Variants in TNFRSF11B observed in about 807,000 individuals in gnomAD.
The protein encoded by TNFRSF11B is tumor necrosis factor receptor superfamily member 11B.
Under a neutral mutation model 43.4 loss-of-function variants are expected in TNFRSF11B, and 16 were observed. The ratio of observed to expected loss-of-function variants is 0.37; its 90% CI spans 0.25 to 0.56. The LOEUF is 0.56. TNFRSF11B is among the 20% of genes least tolerant of loss of function. The probability of loss-of-function intolerance (pLI) is 0.80; values close to 1 mark genes in which losing one functional copy is unlikely to be tolerated. For missense variants in TNFRSF11B, 444 were observed against 490.1 expected (o/e 0.91, Z 0.89); for synonymous variants, 185 against 181.8 (o/e 1.02, Z -0.14).
rs11573865 is a variant in TNFRSF11B, at chr8:118,941,652, T to C, written c.31-8352A>G. Among the ~76,000 whole-genome samples the C allele has an allele frequency of 6.6e-5, 10 of 152,310 alleles. No individual in the cohort carries two copies. The East Asian group carries it at 1.3e-3, about 21-fold the overall frequency. On this transcript the variant is annotated intron_variant, in intron 1 of 4. Transcript: ENST00000297350. ...ATAAATGTTAGGTTGAATTTGCTTA[T>C]GATGTTTTTTGCTTCTTCAGGGGAA...
chr8:118,949,878 C>T (rs1812616388), intron 1 of TNFRSF11B, among the ~76,000 whole-genome samples: 1 of 152,142 alleles, frequency 6.6e-6, no homozygotes, highest in South Asian at 2.1e-4. Context: ...GGCATCTGGA[C>T]TCTATGTGTA....
At chr8:118,924,868 T>C in intron 4 of TNFRSF11B, 106 bp from the exon 5 acceptor site, 2 of 1,372,796 alleles carry the variant, frequency 1.5e-6, no homozygotes, top group East Asian at 4.7e-5. Flanking sequence ...TTCATAATTA[T>C]ATTTCAATGA....
intron 1 of TNFRSF11B, among the ~76,000 whole-genome samples, chr8:118,950,112 T>C (rs1369937849): frequency 1.3e-5 from 2 of 152,206 alleles, no homozygotes; most frequent in Non-Finnish European, 2.9e-5. Context: ...TTTAAATTTA[T>C]GGATACTTCT....
rs112977670 is a variant in TNFRSF11B at position 118,924,091 on chromosome 8, GT to G, written c.*282del. ...ATTTAGTAAGGCACAATGGAGTCTAGTTTTTTTTTTTTAATTTCCAGTTGAA... is the reference window on the plus strand; with the variant it reads ...ATTTAGTAAGGCACAATGGAGTCTAGTTTTTTTTTTTAATTTCCAGTTGAA... On this transcript the variant is annotated 3_prime_UTR_variant, in exon 5 of 5. Coordinates refer to ENST00000297350, the MANE Select transcript of TNFRSF11B (RefSeq NM_002546.4). The G allele has an allele frequency of 0.026, 7,109 of 272,320 alleles. 1 individual carries two copies. Among genetic ancestry groups the G allele is most frequent in the South Asian group, 0.039 (700 of 17,958 alleles). The allele number at this position is 272,320 out of a possible 1,614,324, so 16.9% of individuals were successfully genotyped here. A position where few individuals can be genotyped will look rare whatever the true frequency, so the allele number is the denominator to read the frequency against.
chr8:118,927,373 C>T (rs1023463010), intron 3 of TNFRSF11B, among the ~76,000 whole-genome samples: 1 of 152,074 alleles, frequency 6.6e-6, no homozygotes. Context: ...ACTAGTTCTG[C>T]CGTTCTACTA....
Position 118,929,116 on chromosome 8 carries a change from G to T in TNFRSF11B, c.401-187C>A, listed in dbSNP as rs3094018. ...AAAACTTCCACCATCATCCCCTTTG[G>T]CAGTTTCTCCTCCTTGTAATGCAAA... On this transcript the variant is annotated intron_variant, in intron 2 of 4. Coordinates refer to ENST00000297350, the MANE Select transcript of TNFRSF11B (RefSeq NM_002546.4). 4.9e-6 allele frequency: 3 copies of T among 614,710 alleles called. No homozygotes were observed. The African/African-American group carries it at 5.5e-5, about 11-fold the overall frequency. The allele number at this position is 614,710 out of a possible 1,614,324, so 38.1% of individuals were successfully genotyped here.
In TNFRSF11B at chr8:118,951,831, C is replaced by G. The variant is rs752426445; in HGVS notation, c.-10G>C. ...ACAGCAAGTTGTTCATTGTGGTCCC[C>G]GGAAACCTCAGGGGCTTGGAGGCGG... On this transcript the variant is annotated 5_prime_UTR_variant, in exon 1 of 5. Coordinates refer to ENST00000297350, the MANE Select transcript of TNFRSF11B (RefSeq NM_002546.4). The G allele has an allele frequency of 6.3e-7, 1 of 1,587,548 alleles. No individual in the cohort carries two copies. The highest frequency in any genetic ancestry group is 8.6e-7 in the Non-Finnish European group (1 of 1,166,916).
intron 2 of TNFRSF11B, 90 bp from the exon 3 acceptor site, chr8:118,929,019 C>G: frequency 7.9e-7 from 1 of 1,266,340 alleles, no homozygotes; most frequent in Non-Finnish European, 1.1e-6. Context: ...AGACTTTTCA[C>G]TTGGTTTTTA....
intron 1 of TNFRSF11B, among the ~76,000 whole-genome samples, chr8:118,942,891 G>T (rs1449080512): frequency 6.6e-6 from 1 of 152,022 alleles, no homozygotes; most frequent in African/African-American, 2.4e-5. Flanking sequence ...AACTCAATAT[G>T]ATTTACTGTC....
At chr8:118,946,226 T>C (rs1227887383) in intron 1 of TNFRSF11B, among the ~76,000 whole-genome samples, 1 of 152,234 alleles carries the variant, frequency 6.6e-6, no homozygotes, top group Admixed American at 6.5e-5. Context: ...AACTTGTAGA[T>C]GGAAAGAACC....
chr8:118,944,158 A>G (rs1586960051), intron 1 of TNFRSF11B, among the ~76,000 whole-genome samples: 1 of 152,150 alleles, frequency 6.6e-6, no homozygotes, highest in East Asian at 1.9e-4. Context: ...TCATGCCAAT[A>G]AACAACTTCA....
At chr8:118,931,981 C>CA (rs1812336564) in intron 2 of TNFRSF11B, among the ~76,000 whole-genome samples, 1 of 152,056 alleles carries the variant, frequency 6.6e-6, no homozygotes, top group South Asian at 2.1e-4. Context: ...GGGGTGCTGC[C>CA]AAAATTCTAC....
chr8:118,931,061 T>C (rs563058440), intron 2 of TNFRSF11B, among the ~76,000 whole-genome samples: 15 of 152,316 alleles, frequency 9.8e-5, no homozygotes, highest in African/African-American at 3.4e-4. Flanking sequence ...AAATTTGGCT[T>C]TACAGTTGAG....
At chr8:118,928,696 T>C in intron 3 of TNFRSF11B, 42 bp downstream of exon 3, 2 of 1,599,242 alleles carry the variant, frequency 1.3e-6, no homozygotes, top group South Asian at 1.1e-5. Flanking sequence ...AGAGAGATGA[T>C]ACTACAAAAT....
At chr8:118,946,268 CAG>C (rs1491420771) in intron 1 of TNFRSF11B, among the ~76,000 whole-genome samples, 2 of 152,094 alleles carry the variant, frequency 1.3e-5, no homozygotes, top group Non-Finnish European at 2.9e-5. Context: ...GTTCTAGCCT[CAG>C]AACGTTCATT....
intron 1 of TNFRSF11B, among the ~76,000 whole-genome samples, chr8:118,942,348 T>C: frequency 6.6e-6 from 1 of 151,442 alleles, no homozygotes; most frequent in South Asian, 2.1e-4. Context: ...ATTGCTCACA[T>C]TACCTTATGA....
chr8:118,951,694 T>C (rs891834057), intron 1 of TNFRSF11B, 98 bp downstream of exon 1: 1 of 1,213,366 alleles, frequency 8.2e-7, no homozygotes, highest in African/African-American at 1.5e-5. Context: ...AGGGAGCGAG[T>C]GGAGCCTTCT....
chr8:118,934,514 G>A (rs34794683), intron 1 of TNFRSF11B, among the ~76,000 whole-genome samples: 3 of 152,200 alleles, frequency 2.0e-5, no homozygotes, highest in African/African-American at 7.2e-5. Context: ...CTGTGCAGTA[G>A]GGGAAAGAGG....
intron 2 of TNFRSF11B, chr8:118,930,406 G>A (rs11573916): frequency 0.1 from 15,401 of 154,460 alleles, 892 homozygotes; most frequent in South Asian, 0.14. Context: ...ATCTTTTTTG[G>A]GGGGAAGGCG....
Sources: gnomAD v4.1 joint callset for allele counts (sites outside exome capture counted in the v4.1 genomes callset) on GRCh38, gnomAD v4.1.1 for gene constraint, MANE v1.5 for transcripts, NCBI Gene and HGNC (gene_info 2026-07-23, HGNC 2026-07-21) for gene names.